The following DOCK3 variants were observed in gnomAD, a reference collection of about 807,000 sequenced individuals.
The protein encoded by DOCK3 is dedicator of cytokinesis protein 3.
Under a neutral mutation model 265.6 loss-of-function variants are expected in DOCK3, and 60 were observed. The observed-to-expected ratio is 0.23, with a 90% CI of 0.18 to 0.28. The LOEUF is 0.28. Ranked by LOEUF, DOCK3 falls within the 10% of genes least tolerant of loss-of-function variation. DOCK3 has a pLI of 1.00. For missense variants in DOCK3, 1,981 were observed against 2,594.3 expected, an observed-to-expected ratio of 0.76 and a Z score of 5.14; for synonymous variants, 881 against 938.0, an observed-to-expected ratio of 0.94 and a Z score of 1.11.
At chr3:50,806,209 A>G (rs966607834) in intron 2 of DOCK3, among the ~76,000 whole-genome samples, 1 of 151,910 alleles carries the variant, frequency 6.6e-6, no homozygotes, top group Non-Finnish European at 1.5e-5. Context: ...GGGGTGGCTC[A>G]TGAGGCTGTT....
Position 50,912,242 on chromosome 3 carries a change from C to A in DOCK3, c.219-21739C>A, listed in dbSNP as rs561110927. ...CTTTGACACGATCCAGAAGTATTCTCTGTATTACCAGGCAGAGACTCTTGT... is the reference window on the plus strand; with the variant it reads ...CTTTGACACGATCCAGAAGTATTCTATGTATTACCAGGCAGAGACTCTTGT... On this transcript the variant is annotated intron_variant, in intron 4 of 52. Transcript: ENST00000266037. Among the ~76,000 whole-genome samples the A allele has an allele frequency of 4.6e-5, 7 of 152,140 alleles. No individual in the cohort carries two copies. In the South Asian group the frequency reaches 1.5e-3, roughly 32 times the overall value.
chr3:51,079,307 T>C (rs2082149885), intron 7 of DOCK3, among the ~76,000 whole-genome samples: 1 of 152,064 alleles, frequency 6.6e-6, no homozygotes, highest in Non-Finnish European at 1.5e-5. Flanking sequence ...CAGTTGGATT[T>C]TGCATTCTTT....
chr3:50,958,554 A>G (rs2076792918), intron 5 of DOCK3, among the ~76,000 whole-genome samples: 1 of 152,208 alleles, frequency 6.6e-6, no homozygotes, highest in Non-Finnish European at 1.5e-5. Context: ...CTCCAGATGC[A>G]CTTCTAAAAG....
At chr3:50,754,919 AGTT>A (rs1014591630) in intron 1 of DOCK3, among the ~76,000 whole-genome samples, 33 of 152,284 alleles carry the variant, frequency 2.2e-4, no homozygotes, top group African/African-American at 6.7e-4. Context: ...TTGTGATTCA[AGTT>A]GTTGTTGAAA....
chr3:50,971,629 A>G (rs913568696), intron 5 of DOCK3, among the ~76,000 whole-genome samples: 3 of 152,302 alleles, frequency 2.0e-5, no homozygotes, highest in Admixed American at 6.5e-5. Context: ...CCTGTAGGCC[A>G]GTAGGTGGCG....
rs1273479182 is a variant in DOCK3, at chr3:50,675,217, C to T, written c.-47C>T. 3 of 1,118,464 alleles carry T rather than the reference C, an allele frequency of 2.7e-6. No homozygotes were observed. Among genetic ancestry groups the T allele is most frequent in the Non-Finnish European group, 3.3e-6 (3 of 910,140 alleles). 69.3% of individuals were successfully genotyped at this position (1,118,464 alleles called of 1,614,324 possible). A position where few individuals can be genotyped will look rare whatever the true frequency, so the allele number is the denominator to read the frequency against. On this transcript the variant is annotated 5_prime_UTR_variant, in exon 1 of 53. Transcript: ENST00000266037. The surrounding 1 kb of genome is among the most constrained non-coding windows in gnomAD (Gnocchi z 6.1). ...GCCGGGCCCGCGGCCGTCCCCGCCGCGTTGTCGCCCGGTCGCCGCGCCCGC... is the reference window on the plus strand; with the variant it reads ...GCCGGGCCCGCGGCCGTCCCCGCCGTGTTGTCGCCCGGTCGCCGCGCCCGC...
intron 9 of DOCK3, among the ~76,000 whole-genome samples, chr3:51,125,404 T>C (rs1271366311): frequency 6.6e-6 from 1 of 152,188 alleles, no homozygotes; most frequent in African/African-American, 2.4e-5. Flanking sequence ...ATTTTCTAGC[T>C]CCTATTTATA....
chr3:50,901,913 A>G (rs1254796779), intron 4 of DOCK3, among the ~76,000 whole-genome samples: 1 of 152,118 alleles, frequency 6.6e-6, no homozygotes. Flanking sequence ...AGCTGTTCCT[A>G]TTCGGCCATC....
At chr3:50,967,891 A>C (rs756343965) in intron 5 of DOCK3, among the ~76,000 whole-genome samples, 1 of 152,224 alleles carries the variant, frequency 6.6e-6, no homozygotes, top group South Asian at 2.1e-4. Context: ...AACCATATCA[A>C]ATACCCAGTA....
chr3:51,059,545 T>C (rs977329917), intron 5 of DOCK3, among the ~76,000 whole-genome samples: 4 of 151,804 alleles, frequency 2.6e-5, no homozygotes, highest in Non-Finnish European at 5.9e-5. Context: ...CAGAACTACC[T>C]AGCAATGGAA....
rs2083309101 is a variant in DOCK3 at position 51,107,051 on chromosome 3, C to T, written c.746+16667C>T. Among the ~76,000 whole-genome samples, 5 of 152,370 alleles carry T rather than the reference C, an allele frequency of 3.3e-5. No individual in the cohort carries two copies. The South Asian group carries it at 1.0e-3, about 32-fold the overall frequency. ...CAGATTTCAAAGCCAAGCTTGATAT[C>T]AGTTTCCAGAGTGAAACCAGACATT... is the stretch of plus-strand genomic sequence containing the variant. On this transcript the variant is annotated intron_variant, in intron 9 of 52. Transcript: ENST00000266037.
intron 3 of DOCK3, chr3:50,863,472 T>C (rs547902310): frequency 5.8e-6 from 3 of 519,292 alleles, no homozygotes; most frequent in East Asian, 5.5e-5. Context: ...CAAGGGTGAG[T>C]GCAGCAGAGA....
At chr3:51,080,612 A>G (rs1252960489) in intron 7 of DOCK3, among the ~76,000 whole-genome samples, 1 of 152,226 alleles carries the variant, frequency 6.6e-6, no homozygotes, top group Non-Finnish European at 1.5e-5. Context: ...TCATTCTCTC[A>G]AAATTTAATG....
intron 49 of DOCK3, among the ~76,000 whole-genome samples, chr3:51,373,466 T>A (rs186548246): frequency 1.2e-4 from 18 of 152,356 alleles, no homozygotes. Flanking sequence ...TGCTGGTATC[T>A]GGTACAATGA....
intron 5 of DOCK3, among the ~76,000 whole-genome samples, chr3:51,002,176 T>G (rs2078506410): frequency 6.6e-6 from 1 of 152,158 alleles, no homozygotes; most frequent in South Asian, 2.1e-4. Context: ...TTCAAACTCC[T>G]GGCCTCAAGT....
intron 12 of DOCK3, among the ~76,000 whole-genome samples, chr3:51,182,960 G>A (rs1469797548): frequency 6.6e-6 from 1 of 152,176 alleles, no homozygotes; most frequent in East Asian, 1.9e-4. Context: ...TCCTCTCTGA[G>A]TACAGTTTTT....
intron 22 of DOCK3, among the ~76,000 whole-genome samples, chr3:51,256,072 T>A (rs2079528705): frequency 6.6e-6 from 1 of 152,218 alleles, no homozygotes; most frequent in Admixed American, 6.5e-5. Context: ...TTTCTGTTTG[T>A]TAGTTTTCCT....
intron 19 of DOCK3, among the ~76,000 whole-genome samples, chr3:51,230,767 G>A (rs1394262241): frequency 6.6e-6 from 1 of 152,046 alleles, no homozygotes; most frequent in Non-Finnish European, 1.5e-5. Flanking sequence ...CATCCGCCTT[G>A]GCCTCCCAAA....
intron 5 of DOCK3, among the ~76,000 whole-genome samples, chr3:50,999,710 G>C (rs1036896495): frequency 1.3e-5 from 2 of 152,256 alleles, no homozygotes; most frequent in East Asian, 3.9e-4. Flanking sequence ...CTTAGACTCT[G>C]CTTCCCACCT....
Sources: gnomAD v4.1 joint callset for allele counts (sites outside exome capture counted in the v4.1 genomes callset) on GRCh38, gnomAD v4.1.1 for gene constraint, Gnocchi (gnomAD v3.1) non-coding constraint, MANE v1.5 for transcripts, NCBI Gene and HGNC (gene_info 2026-07-23, HGNC 2026-07-21) for gene names.